Variants in CRTC3 observed in about 807,000 individuals in gnomAD.
CRTC3 encodes the protein CREB regulated transcription coactivator 3.
CRTC3 carries 26 observed loss-of-function variants against 74.5 expected under a neutral mutation model. The ratio of observed to expected loss-of-function variants is 0.35; its 90% CI spans 0.26 to 0.48. The LOEUF is 0.48. Ranked by LOEUF, CRTC3 falls within the 20% of genes least tolerant of loss-of-function variation. CRTC3 has a pLI of 0.99. For synonymous variants in CRTC3, 377 were observed against 325.8 expected, an observed-to-expected ratio of 1.16 and a Z score of -1.69; for missense variants, 760 against 787.3, an observed-to-expected ratio of 0.97 and a Z score of 0.41.
chr15:90,554,749 C>T (rs1361639794), intron 2 of CRTC3, among the ~76,000 whole-genome samples: 1 of 152,180 alleles, frequency 6.6e-6, no homozygotes, highest in African/African-American at 2.4e-5. Context: ...ACGTGTGAAG[C>T]GCCTGGTGCA....
At chr15:90,548,340 C>G (rs1283843946) in intron 2 of CRTC3, among the ~76,000 whole-genome samples, 1 of 152,174 alleles carries the variant, frequency 6.6e-6, no homozygotes, top group Non-Finnish European at 1.5e-5. Flanking sequence ...AGGGAACAAT[C>G]TGATGGTCAA....
chr15:90,549,292 GTGTGTGTGTGTGTA>G (rs1185381702), intron 2 of CRTC3, among the ~76,000 whole-genome samples: 1 of 151,938 alleles, frequency 6.6e-6, no homozygotes, highest in African/African-American at 2.4e-5. Flanking sequence ...CATGGTGTGT[GTGTGTGTGTGTGTA>G]TGTGTGTGTG....
intron 1 of CRTC3, among the ~76,000 whole-genome samples, chr15:90,531,716 G>C (rs1034540978): frequency 6.6e-6 from 1 of 152,108 alleles, no homozygotes; most frequent in Non-Finnish European, 1.5e-5. Context: ...AGAATGGGTG[G>C]GTGAAAGCTG....
rs1394921626 is a variant in CRTC3 at position 90,641,137 on chromosome 15, CTT to C, written c.1592_1593del (p.Phe531SerfsTer39). 7.4e-6 allele frequency: 12 copies of C among 1,614,144 alleles called. No homozygotes were observed. Among genetic ancestry groups the C allele is most frequent in the Non-Finnish European group, 6.8e-6 (8 of 1,180,028 alleles). ...CAAGGTTCCCGAGAACTGCAGGACT[CTT>C]TTCATTTGAGACCAAGCCCGTATTC... On this transcript the variant is annotated frameshift_variant, in exon 14 of 15. Coordinates refer to ENST00000268184, the MANE Select transcript of CRTC3 (RefSeq NM_022769.5). LOFTEE classifies it high-confidence loss of function.
At chr15:90,630,165 A>C (rs767669534) in intron 11 of CRTC3, among the ~76,000 whole-genome samples, 9 of 152,190 alleles carry the variant, frequency 5.9e-5, no homozygotes, top group Admixed American at 4.6e-4. Flanking sequence ...CATCCAGGTA[A>C]GTCTAAGGCA....
At chr15:90,638,262 T>C in intron 11 of CRTC3, 184 bp from the exon 12 acceptor site, 2 of 579,128 alleles carry the variant, frequency 3.5e-6, no homozygotes, top group South Asian at 4.5e-5. Context: ...GGAACATGCT[T>C]TGTGGGGAAG....
intron 2 of CRTC3, among the ~76,000 whole-genome samples, chr15:90,542,682 GTAGCAAAAGGA>G (rs1236155777): frequency 6.6e-6 from 1 of 152,184 alleles, no homozygotes; most frequent in East Asian, 1.9e-4. Context: ...GCTGTCCTCT[GTAGCAAAAGGA>G]TTCAGTTCAG....
At chr15:90,567,761 C>G (rs933754956) in intron 2 of CRTC3, among the ~76,000 whole-genome samples, 2 of 152,056 alleles carry the variant, frequency 1.3e-5, no homozygotes, top group African/African-American at 2.4e-5. Context: ...TCCAGGAGCT[C>G]TGATGGAAAT....
At chr15:90,568,607 T>C (rs905834285) in intron 2 of CRTC3, among the ~76,000 whole-genome samples, 2 of 137,104 alleles carry the variant, frequency 1.5e-5, no homozygotes, top group African/African-American at 5.1e-5. Flanking sequence ...TGCCTTGGCC[T>C]CTTAAAGTGC....
intron 2 of CRTC3, among the ~76,000 whole-genome samples, chr15:90,586,491 C>T (rs975435759): frequency 1.5e-4 from 23 of 151,368 alleles, no homozygotes; most frequent in African/African-American, 4.6e-4. Flanking sequence ...CTTAGCCTCC[C>T]GGTAGCTGGG....
intron 9 of CRTC3, among the ~76,000 whole-genome samples, chr15:90,624,596 C>T (rs1416366608): frequency 6.6e-6 from 1 of 152,244 alleles, no homozygotes; most frequent in Non-Finnish European, 1.5e-5. Flanking sequence ...CCCATCCTGA[C>T]ATGGACAACT....
intron 2 of CRTC3, among the ~76,000 whole-genome samples, chr15:90,560,759 A>G (rs1441684181): frequency 6.6e-6 from 1 of 152,196 alleles, no homozygotes; most frequent in African/African-American, 2.4e-5. Context: ...GAACAATAAA[A>G]GTCCTGGAAT....
intron 6 of CRTC3, among the ~76,000 whole-genome samples, chr15:90,611,283 A>G (rs1171339415): frequency 6.6e-6 from 1 of 151,894 alleles, no homozygotes; most frequent in African/African-American, 2.4e-5. Flanking sequence ...TAGATTTGCC[A>G]GGCATGGGAG....
intron 11 of CRTC3, among the ~76,000 whole-genome samples, chr15:90,631,479 G>A (rs1328570410): frequency 6.6e-6 from 1 of 152,088 alleles, no homozygotes; most frequent in African/African-American, 2.4e-5. Flanking sequence ...CTGTAATCCA[G>A]CACTTTGGGA....
intron 2 of CRTC3, among the ~76,000 whole-genome samples, chr15:90,569,937 A>G (rs1269867558): frequency 6.6e-6 from 1 of 152,238 alleles, no homozygotes; most frequent in Non-Finnish European, 1.5e-5. Context: ...TAATGTTGTA[A>G]TATTATTTAT....
chr15:90,619,844 C>G lies in CRTC3; in HGVS notation c.749+54C>G. The G allele has an allele frequency of 4.1e-6, 6 of 1,455,312 alleles. No individual in the cohort carries two copies. In the South Asian group the frequency reaches 6.9e-5, roughly 17 times the overall value. 90.1% of individuals were successfully genotyped at this position (1,455,312 alleles called of 1,614,324 possible). On this transcript the variant is annotated intron_variant, in intron 9 of 14. Transcript: ENST00000268184. ...CAGGGACTATCCTGAAGGTTTTTCC[C>G]AAAAGTCTCGCTGCTTTGTTACAGA...
chr15:90,581,068 A>G (rs2151073290), intron 2 of CRTC3, among the ~76,000 whole-genome samples: 1 of 152,298 alleles, frequency 6.6e-6, no homozygotes, highest in East Asian at 1.9e-4. Context: ...GCTGGATGAG[A>G]AAGGAGTGGC....
At chr15:90,601,369 G>C (rs6496701) in intron 3 of CRTC3, among the ~76,000 whole-genome samples, 100,530 of 152,060 alleles carry the variant, frequency 0.66, 33,743 homozygotes, top group South Asian at 0.77. Flanking sequence ...ACCAGGAACC[G>C]CCGGGCGCAG....
rs1488344726 is a variant in CRTC3, at chr15:90,593,668, A to T, written c.264A>T (p.Gly88=). Residue 88 remains glycine (G), a synonymous_variant, in exon 3 of 15, where the codon GGA becomes GGT. Transcript: ENST00000268184. The part of the protein sequence containing the change: ...PSFHQADNVR[G]TRHHGLVERP... ...TTCACCAAGCTGATAATGTTCGGGG[A>T]ACCCGCCATCACGGGCTGGTGGAGA... 1.2e-6 allele frequency: 2 copies of T among 1,610,678 alleles called. No homozygotes were observed. Among genetic ancestry groups the T allele is most frequent in the Non-Finnish European group, 1.7e-6 (2 of 1,177,064 alleles).
Sources: allele counts gnomAD v4.1 joint callset (sites outside exome capture counted in the v4.1 genomes callset), GRCh38; gene constraint gnomAD v4.1.1; transcripts MANE v1.5; gene names NCBI Gene and HGNC (gene_info 2026-07-23, HGNC 2026-07-21).